Variants in EDA observed in about 807,000 individuals in gnomAD.
EDA encodes the protein ectodysplasin-A.
EDA carries 2 observed loss-of-function variants against 23.6 expected under a neutral mutation model. The observed-to-expected ratio is 0.08, with a 90% confidence interval of 0.03 to 0.27. The LOEUF is 0.27. EDA is among the 10% of genes least tolerant of loss of function. The probability of loss-of-function intolerance (pLI) is 1.00; values close to 1 mark genes in which losing one functional copy is unlikely to be tolerated. For missense variants in EDA, 229 were observed against 324.2 expected (o/e 0.71, Z 2.26); for synonymous variants, 131 against 132.0 (o/e 0.99, Z 0.05).
In EDA at chrX:69,854,257, C is replaced by T. The variant is rs768748713; in HGVS notation, c.397-102770C>T. Among the ~76,000 whole-genome samples, 6 of 110,818 alleles carry T rather than the reference C, an allele frequency of 5.4e-5. No homozygotes were observed. The South Asian group carries it at 2.3e-3, about 43-fold the overall frequency. On this transcript the variant is annotated intron_variant, in intron 1 of 7. Transcript: ENST00000374552. The stretch of plus-strand genomic sequence containing the variant: ...CGCCCAGGCTGGAGTGCAGTGATAC[C>T]ATCTCAGCTCAATGCAGCCTCTGCC...
intron 2 of EDA, among the ~76,000 whole-genome samples, chrX:70,003,783 A>G (rs776507086): frequency 1.8e-5 from 2 of 112,343 alleles, no homozygotes; most frequent in East Asian, 5.6e-4. Context: ...ATTAAAGGAT[A>G]TGAGAAATCT....
intron 1 of EDA, among the ~76,000 whole-genome samples, chrX:69,878,455 A>G (rs1320504061): frequency 8.9e-6 from 1 of 112,552 alleles, no homozygotes; most frequent in East Asian, 2.8e-4. Context: ...TCAGAGGACA[A>G]GGACTGTGGA....
chrX:69,675,009 T>C (rs1181388911), intron 1 of EDA, among the ~76,000 whole-genome samples: 1 of 111,559 alleles, frequency 9.0e-6, no homozygotes, highest in Non-Finnish European at 1.9e-5. Flanking sequence ...TTTGAAACAG[T>C]GTCTTGCTTT....
chrX:69,791,546 G>T (rs1009391614), intron 1 of EDA, among the ~76,000 whole-genome samples: 1 of 111,729 alleles, frequency 9.0e-6, no homozygotes, highest in Non-Finnish European at 1.9e-5. Context: ...TTCAACTGAA[G>T]GTAAATTAGA....
At position 69,898,443 on chromosome X, in the gene EDA, G is replaced by A. The variant is rs754451421; in HGVS notation, c.397-58584G>A. ...ACAAAAAAAAAAAAATTAGCTGGGT[G>A]TGGTGGCAGGCACATGTTGTCCCAG... On this transcript the variant is annotated intron_variant, in intron 1 of 7. Transcript: ENST00000374552. Among the ~76,000 whole-genome samples the A allele has an allele frequency of 2.7e-5, 3 of 110,071 alleles. No homozygotes were observed. The South Asian group carries it at 1.2e-3, about 43-fold the overall frequency.
intron 1 of EDA, among the ~76,000 whole-genome samples, chrX:69,850,522 A>G (rs1414144988): frequency 8.9e-6 from 1 of 112,064 alleles, no homozygotes; most frequent in Non-Finnish European, 1.9e-5. Context: ...TCTTGAGTCC[A>G]TGCTGTATTT....
chrX:69,782,137 G>A (rs2014962768), intron 1 of EDA, among the ~76,000 whole-genome samples: 1 of 109,076 alleles, frequency 9.2e-6, no homozygotes, highest in South Asian at 4.0e-4. Flanking sequence ...TTCCACTAAC[G>A]GAGCCAAATA....
At chrX:69,812,471 C>T (rs1189875202) in intron 1 of EDA, among the ~76,000 whole-genome samples, 2 of 112,404 alleles carry the variant, frequency 1.8e-5, no homozygotes, top group Non-Finnish European at 3.8e-5. Context: ...TTGTTCTGTG[C>T]ATTAGATTCT....
At chrX:69,974,114 T>G in intron 2 of EDA, among the ~76,000 whole-genome samples, 1 of 109,127 alleles carries the variant, frequency 9.2e-6, no homozygotes, top group Admixed American at 9.9e-5. Context: ...GGATTCAGGA[T>G]AAAGATTACT....
At chrX:69,804,023 G>A (rs1293606330) in intron 1 of EDA, among the ~76,000 whole-genome samples, 1 of 110,406 alleles carries the variant, frequency 9.1e-6, no homozygotes, top group African/African-American at 3.3e-5. Context: ...GTATTCCATT[G>A]TGCATATTAT....
At chrX:69,995,045 C>T (rs2019637294) in intron 2 of EDA, among the ~76,000 whole-genome samples, 1 of 112,016 alleles carries the variant, frequency 8.9e-6, no homozygotes, top group South Asian at 3.7e-4. Context: ...TGGGCTTGCT[C>T]ATTTTAAAAA....
At chrX:69,741,559 G>A (rs1291581096) in intron 1 of EDA, among the ~76,000 whole-genome samples, 1 of 111,626 alleles carries the variant, frequency 9.0e-6, no homozygotes, top group African/African-American at 3.3e-5. Flanking sequence ...TCAGTCTATT[G>A]GTATCATACA....
At chrX:69,676,561 T>C (rs1934091963) in intron 1 of EDA, among the ~76,000 whole-genome samples, 1 of 110,485 alleles carries the variant, frequency 9.1e-6, no homozygotes, top group Non-Finnish European at 1.9e-5. Context: ...TCTTGGACTC[T>C]CAATATATAT....
chrX:69,908,020 T>C (rs1460428853), intron 1 of EDA, among the ~76,000 whole-genome samples: 1 of 111,799 alleles, frequency 8.9e-6, no homozygotes, highest in East Asian at 2.8e-4. Context: ...AATTCCCTGA[T>C]TTTCTCAGAG....
intron 1 of EDA, among the ~76,000 whole-genome samples, chrX:69,799,586 C>G (rs2015626765): frequency 9.2e-6 from 1 of 109,226 alleles, no homozygotes; most frequent in Non-Finnish European, 1.9e-5. Flanking sequence ...ATGTAAATGT[C>G]CAACAGGTGT....
intron 1 of EDA, among the ~76,000 whole-genome samples, chrX:69,754,165 T>C (rs1005002437): frequency 4.5e-5 from 5 of 112,201 alleles, no homozygotes; most frequent in African/African-American, 1.6e-4. Context: ...TTCCTAGCAT[T>C]GATGGTCTTT....
intron 1 of EDA, among the ~76,000 whole-genome samples, chrX:69,719,948 C>T (rs369596688): frequency 1.8e-5 from 2 of 110,341 alleles, no homozygotes; most frequent in African/African-American, 3.3e-5. Flanking sequence ...TGGGGTTTCA[C>T]CATGTTGGTT....
At chrX:69,939,075 T>C (rs1035897904) in intron 1 of EDA, among the ~76,000 whole-genome samples, 7 of 111,992 alleles carry the variant, frequency 6.3e-5, no homozygotes, top group Non-Finnish European at 1.1e-4. Flanking sequence ...CTTTGGCTAT[T>C]CTGGGTCTTT....
intron 1 of EDA, among the ~76,000 whole-genome samples, chrX:69,668,708 C>G (rs1933771953): frequency 9.0e-6 from 1 of 110,894 alleles, no homozygotes; most frequent in Non-Finnish European, 1.9e-5. Context: ...TCCCGAGTAG[C>G]TGGGATTATA....
Sources: gnomAD v4.1 joint callset for allele counts (sites outside exome capture counted in the v4.1 genomes callset) on GRCh38, gnomAD v4.1.1 for gene constraint, MANE v1.5 for transcripts, NCBI Gene and HGNC (gene_info 2026-07-23, HGNC 2026-07-21) for gene names.